SEMG1: variants seen among roughly 807,000 people sequenced by gnomAD.
The protein encoded by SEMG1 is semenogelin 1.
A neutral mutation model predicts 8.8 loss-of-function variants in SEMG1; 6 were observed. The observed-to-expected ratio is 0.68, with a 90% CI of 0.37 to 1.35. SEMG1 has a LOEUF of 1.35. SEMG1 is among the 40% of genes most tolerant of loss of function. The probability of loss-of-function intolerance (pLI) is 0.02; values close to 1 mark genes in which losing one functional copy is unlikely to be tolerated. For missense variants in SEMG1, 580 were observed against 533.6 expected (o/e 1.09, Z -0.86); for synonymous variants, 221 against 190.3 (o/e 1.16, Z -1.33).
Position 45,207,583 on chromosome 20 carries a change from T to C in SEMG1, c.286T>C (p.Ser96Pro), listed in dbSNP as rs764990184. The C allele has an allele frequency of 3.1e-5, 50 of 1,613,156 alleles. No individual in the cohort carries two copies. Among genetic ancestry groups the C allele is most frequent in the Non-Finnish European group, 4.2e-5 (50 of 1,179,726 alleles). ...DLNALHKTTK[S>P]QRHLGGSQQL... ...GAATGCCCTACATAAGACGACAAAA[T>C]CACAACGACATCTAGGTGGAAGTCA... Residue 96 changes from serine to proline, a missense_variant, in exon 2 of 3, where the codon TCA (serine) becomes CCA (proline). Coordinates refer to ENST00000372781, the MANE Select transcript of SEMG1 (RefSeq NM_003007.5).
Position 45,208,689 on chromosome 20 carries a change from C to T in SEMG1, c.*3C>T, listed in dbSNP as rs1320966355. 9 of 1,588,120 alleles carry T rather than the reference C, an allele frequency of 5.7e-6. No homozygotes were observed. The highest frequency in any genetic ancestry group is 2.7e-5 in the African/African-American group (2 of 73,792). ...ACCGAAACCCATTATTTACATAAACCTACCATTCGGTAACCATGTGAAAGG... is the reference window on the plus strand; with the variant it reads ...ACCGAAACCCATTATTTACATAAACTTACCATTCGGTAACCATGTGAAAGG... On this transcript the variant is annotated 3_prime_UTR_variant, in exon 2 of 3. Transcript: ENST00000372781.
intron 2 of SEMG1, among the ~76,000 whole-genome samples, 195 bp downstream of exon 2, chr20:45,208,925 C>A (rs1488906009): frequency 2.0e-5 from 3 of 152,076 alleles, no homozygotes; most frequent in Admixed American, 2.0e-4. Context: ...GATGTTTGGC[C>A]TATCATGAGG....
In SEMG1 at chr20:45,208,717, G is replaced by T; in HGVS notation, c.*31G>T. Reference sequence around the variant, plus strand: ...CCATTCGGTAACCATGTGAAAGGATGGACCAATATCAAGGTAATTTTTTTT... The same window carrying T: ...CCATTCGGTAACCATGTGAAAGGATTGACCAATATCAAGGTAATTTTTTTT... On this transcript the variant is annotated 3_prime_UTR_variant, in exon 2 of 3. Coordinates refer to ENST00000372781, the MANE Select transcript of SEMG1 (RefSeq NM_003007.5). 1 of 1,477,496 alleles carries T rather than the reference G, an allele frequency of 6.8e-7. No homozygotes were observed. The highest frequency in any genetic ancestry group is 9.2e-7 in the Non-Finnish European group (1 of 1,083,124). The allele number at this position is 1,477,496 out of a possible 1,614,324, so 91.5% of individuals were successfully genotyped here.
chr20:45,207,114 G>A lies in SEMG1; in HGVS notation c.61G>A (p.Val21Met). 1 of 1,613,796 alleles carries A rather than the reference G, an allele frequency of 6.2e-7. No individual in the cohort carries two copies. The highest frequency in any genetic ancestry group is 8.5e-7 in the Non-Finnish European group (1 of 1,179,784). Residue 21 changes from valine to methionine, a missense_variant, in exon 1 of 3, where the codon GTG becomes ATG. By Grantham distance (21) the Val-to-Met change is conservative. Coordinates refer to ENST00000372781, the MANE Select transcript of SEMG1 (RefSeq NM_003007.5). Reference protein sequence around the residue: ...LLLILEKQAAVMGQKGGSKGR... With the variant: ...LLLILEKQAAMMGQKGGSKGR... ...CCTCATCTTGGAGAAGCAAGCAGCT[G>A]TGATGGGACAAAAAGGTGAGTGGAG...
In SEMG1 at chr20:45,207,585, A is replaced by T; in HGVS notation, c.288A>T (p.Ser96=). ...ATGCCCTACATAAGACGACAAAATC[A>T]CAACGACATCTAGGTGGAAGTCAAC... ...DLNALHKTTK[S]QRHLGGSQQL... is the part of the protein sequence containing the mutation. Residue 96 remains serine, a synonymous_variant, in exon 2 of 3, where the codon TCA becomes TCT. Transcript: ENST00000372781. The T allele has an allele frequency of 1.2e-6, 2 of 1,613,760 alleles. No individual in the cohort carries two copies. The highest frequency in any genetic ancestry group is 2.2e-5 in the East Asian group (1 of 44,886).
Position 45,207,585 on chromosome 20 carries a change from A to G in SEMG1, c.288A>G (p.Ser96=), listed in dbSNP as rs1322965462. 6 of 1,613,642 alleles carry G rather than the reference A, an allele frequency of 3.7e-6. No individual in the cohort carries two copies. The highest frequency in any genetic ancestry group is 5.1e-6 in the Non-Finnish European group (6 of 1,179,818). The change falls in exon 2 of 3, where the codon TCA becomes TCG. Residue 96 remains serine, a synonymous_variant. Transcript: ENST00000372781. ...ATGCCCTACATAAGACGACAAAATCACAACGACATCTAGGTGGAAGTCAAC... is the reference window on the plus strand; with the variant it reads ...ATGCCCTACATAAGACGACAAAATCGCAACGACATCTAGGTGGAAGTCAAC... ...DLNALHKTTK[S]QRHLGGSQQL...
In SEMG1 at chr20:45,208,405, T is replaced by A. The variant is rs1983762670; in HGVS notation, c.1108T>A (p.Ser370Thr). The stretch of plus-strand genomic sequence containing the variant: ...AGAAAATGGTGTGCAGAAAGATGTA[T>A]CCCAACGCAGTATTTATAGCCAAAC... The part of the protein sequence containing the change: ...YGENGVQKDV[S>T]QRSIYSQTEK... The change falls in exon 2 of 3, where the codon TCC becomes ACC. Residue 370 changes from serine (S) to threonine (T), a missense_variant. Ser to Thr is a moderately conservative substitution (Grantham distance 58). Coordinates refer to ENST00000372781, the MANE Select transcript of SEMG1 (RefSeq NM_003007.5). The A allele has an allele frequency of 6.2e-7, 1 of 1,613,952 alleles. No individual in the cohort carries two copies. Among genetic ancestry groups the A allele is most frequent in the African/African-American group, 1.3e-5 (1 of 75,004 alleles).
chr20:45,208,806 T>TA, intron 2 of SEMG1, 76 bp downstream of exon 2: 1 of 717,062 alleles, frequency 1.4e-6, no homozygotes, highest in Non-Finnish European at 2.4e-6. Flanking sequence ...AGGACTTTTG[T>TA]GGGATTGATA....
rs756923184 is a variant in SEMG1, at chr20:45,207,522, T to C, written c.225T>C (p.Asp75=). Residue 75 remains aspartate (D), a synonymous_variant, in exon 2 of 3, where the codon GAT becomes GAC. Coordinates refer to ENST00000372781, the MANE Select transcript of SEMG1 (RefSeq NM_003007.5). ...IQYTYHVDAN[D]HDQSRKSQQY... ...ACACATATCATGTAGATGCCAATGA[T>C]CATGACCAGTCCCGAAAAAGTCAGC... 9.9e-6 allele frequency: 16 copies of C among 1,613,852 alleles called. No homozygotes were observed. The highest frequency in any genetic ancestry group is 1.4e-5 in the Non-Finnish European group (16 of 1,179,848).
chr20:45,208,448 G>A lies in SEMG1; in HGVS notation c.1151G>A (p.Gly384Asp). 1 of 1,613,946 alleles carries A rather than the reference G, an allele frequency of 6.2e-7. No homozygotes were observed. Among genetic ancestry groups the A allele is most frequent in the Non-Finnish European group, 8.5e-7 (1 of 1,179,950 alleles). The stretch of plus-strand genomic sequence containing the variant: ...AGCCAAACTGAAAAGCTAGTAGCAG[G>A]CAAGTCTCAAATCCAGGCACCAAAT... ...IYSQTEKLVAGKSQIQAPNPK... is the reference protein window; with the variant it reads ...IYSQTEKLVADKSQIQAPNPK... Residue 384 changes from glycine to aspartate, a missense_variant, in exon 2 of 3, where the codon GGC (glycine) becomes GAC (aspartate). Coordinates refer to ENST00000372781, the MANE Select transcript of SEMG1 (RefSeq NM_003007.5).
rs545965037 is a variant in SEMG1 at position 45,208,666 on chromosome 20, C to G, written c.1369C>G (p.Arg457Gly). Residue 457 changes from arginine (R) to glycine (G), a missense_variant, in exon 2 of 3, where the codon CGA (arginine) becomes GGA (glycine). By Grantham distance (125) the Arg-to-Gly change is moderately radical. Coordinates refer to ENST00000372781, the MANE Select transcript of SEMG1 (RefSeq NM_003007.5). ...RHLAQHLNND[R>G]NPLFT Reference sequence around the variant, plus strand: ...TTTGGCACAACATCTTAACAACGACCGAAACCCATTATTTACATAAACCTA... The same window carrying G: ...TTTGGCACAACATCTTAACAACGACGGAAACCCATTATTTACATAAACCTA... The G allele has an allele frequency of 5.0e-6, 8 of 1,607,534 alleles. No homozygotes were observed. In the East Asian group the frequency reaches 6.7e-5, roughly 13 times the overall value.
chr20:45,208,054 A>AT lies in SEMG1; in HGVS notation c.763dup (p.Ser255PhefsTer5), dbSNP rs764769033. 4 of 1,614,106 alleles carry AT rather than the reference A, an allele frequency of 2.5e-6. No homozygotes were observed. The highest frequency in any genetic ancestry group is 3.4e-6 in the Non-Finnish European group (4 of 1,179,986). ...CAAACTCCAACATGGATCCAAAGAC[A>AT]TTTTTTCTACCCAAGATGAGCTCCT... On this transcript the variant is annotated frameshift_variant, in exon 2 of 3. Transcript: ENST00000372781. LOFTEE classifies it low-confidence loss of function (END_TRUNC).
At position 45,207,872 on chromosome 20, in the gene SEMG1, G is replaced by A. The variant is rs748712943; in HGVS notation, c.575G>A (p.Ser192Asn). 2 of 1,614,054 alleles carry A rather than the reference G, an allele frequency of 1.2e-6. No individual in the cohort carries two copies. The highest frequency in any genetic ancestry group is 1.7e-6 in the Non-Finnish European group (2 of 1,179,968). ...GGTAGAAAACAAGGCGGATCCCAAA[G>A]CAGTTATGTTCTCCAAACTGAAGAG... The part of the protein sequence containing the change: ...QKGRKQGGSQ[S>N]SYVLQTEELV... Residue 192 changes from serine to asparagine, a missense_variant, in exon 2 of 3, where the codon AGC (serine) becomes AAC (asparagine). Ser to Asn is a conservative substitution (Grantham distance 46). Transcript: ENST00000372781.
At position 45,207,137 on chromosome 20, in the gene SEMG1, G is replaced by C; in HGVS notation, c.76+8G>C. Reference sequence around the variant, plus strand: ...CTGTGATGGGACAAAAAGGTGAGTGGAGAGGGTAAGCCTTGGGGAAAGCTG... The same window carrying C: ...CTGTGATGGGACAAAAAGGTGAGTGCAGAGGGTAAGCCTTGGGGAAAGCTG... On this transcript the variant is annotated splice_region_variant and intron_variant, in intron 1 of 2. Coordinates refer to ENST00000372781, the MANE Select transcript of SEMG1 (RefSeq NM_003007.5). 6.2e-7 allele frequency: 1 copy of C among 1,613,740 alleles called. No homozygotes were observed.
At chr20:45,207,343 G>C in intron 1 of SEMG1, 31 bp from the exon 2 acceptor site, 1 of 1,536,578 alleles carries the variant, frequency 6.5e-7, no homozygotes, top group Non-Finnish European at 8.9e-7. Flanking sequence ...TGGAGATAAT[G>C]AATGCATACC....
In SEMG1 at chr20:45,207,942, A is replaced by G; in HGVS notation, c.645A>G (p.Gln215=). The G allele has an allele frequency of 6.2e-7, 1 of 1,614,098 alleles. No individual in the cohort carries two copies. The highest frequency in any genetic ancestry group is 1.1e-5 in the South Asian group (1 of 91,066). The part of the protein sequence containing the change: ...KQQRETKNSH[Q]NKGHYQNVVE... ...AACGTGAGACTAAAAATTCTCATCA[A>G]AATAAAGGGCATTACCAAAATGTGG... Residue 215 remains glutamine (Q), a synonymous_variant, in exon 2 of 3, where the codon CAA becomes CAG. Transcript: ENST00000372781.
chr20:45,208,877 T>G, intron 2 of SEMG1, 147 bp downstream of exon 2: 5 of 487,536 alleles, frequency 1.0e-5, no homozygotes, highest in Non-Finnish European at 1.5e-5. Context: ...AGCCTCCCCA[T>G]TCCCTGGTGA....
chr20:45,207,176 T>A (rs1203188824), intron 1 of SEMG1, 47 bp downstream of exon 1: 1 of 1,611,268 alleles, frequency 6.2e-7, no homozygotes, highest in Non-Finnish European at 8.5e-7. Flanking sequence ...AGACAGCTAA[T>A]AATCTAAGAT....
intron 2 of SEMG1, among the ~76,000 whole-genome samples, chr20:45,209,032 A>G (rs1020249256): frequency 6.6e-6 from 1 of 152,174 alleles, no homozygotes; most frequent in African/African-American, 2.4e-5. Context: ...CTGACTACAT[A>G]TGCATATTTA....
Sources: gnomAD v4.1 joint callset for allele counts (sites outside exome capture counted in the v4.1 genomes callset) on GRCh38, gnomAD v4.1.1 for gene constraint, MANE v1.5 for transcripts, NCBI Gene and HGNC (gene_info 2026-07-23, HGNC 2026-07-21) for gene names.